Variants in PSEN1 observed in about 807,000 individuals in gnomAD.
The protein encoded by PSEN1 is presenilin-1.
PSEN1 carries 15 observed loss-of-function variants against 53.5 expected under a neutral mutation model. The observed-to-expected ratio is 0.28, with a 90% CI of 0.19 to 0.43. The LOEUF (loss-of-function observed/expected upper bound fraction) is 0.43, where lower values mean the gene tolerates loss of function less well. Ranked by LOEUF, PSEN1 falls within the 20% of genes least tolerant of loss-of-function variation. PSEN1 has a pLI of 1.00. For missense variants in PSEN1, 387 were observed against 571.2 expected, an observed-to-expected ratio of 0.68 and a Z score of 3.29; for synonymous variants, 208 against 209.8, an observed-to-expected ratio of 0.99 and a Z score of 0.08.
intron 5 of PSEN1, among the ~76,000 whole-genome samples, chr14:73,175,604 G>A (rs1255446205): frequency 1.3e-5 from 2 of 152,068 alleles, no homozygotes; most frequent in Admixed American, 1.3e-4. Flanking sequence ...ACTTTGGTGT[G>A]AACATTTTTT....
chr14:73,201,075 T>TTTTGTTTG (rs78560838), intron 8 of PSEN1, among the ~76,000 whole-genome samples: 2,114 of 150,946 alleles, frequency 0.014, 53 homozygotes, highest in African/African-American at 0.049. Context: ...GAGAATATCT[T>TTTTGTTTG]TTTGTTTGTT....
At chr14:73,205,597 T>C (rs1468662392) in intron 8 of PSEN1, among the ~76,000 whole-genome samples, 1 of 152,200 alleles carries the variant, frequency 6.6e-6, no homozygotes, top group Middle Eastern at 3.2e-3. Flanking sequence ...TTTTGTGTTA[T>C]TGTTGGTGTA....
chr14:73,205,904 C>T (rs529920130), intron 8 of PSEN1, among the ~76,000 whole-genome samples: 2 of 152,274 alleles, frequency 1.3e-5, no homozygotes, highest in South Asian at 2.1e-4. Flanking sequence ...TTGCTTTTAA[C>T]GTTTTTTCTC....
chr14:73,191,964 T>G (rs1053043529), intron 6 of PSEN1, among the ~76,000 whole-genome samples: 1 of 152,234 alleles, frequency 6.6e-6, no homozygotes, highest in East Asian at 1.9e-4. Context: ...TAAACTAATA[T>G]TTCCCAAAGT....
rs942468484 is a variant in PSEN1 at position 73,222,671 on chromosome 14, ATC to A, written c.*3386_*3387del. The stretch of plus-strand genomic sequence containing the variant: ...GATAAATTCTCAGAATGTAGTTATA[ATC>A]TCTTGTTTTCTGGTATATGCCATCT... On this transcript the variant is annotated 3_prime_UTR_variant, in exon 12 of 12. Coordinates refer to ENST00000324501, the MANE Select transcript of PSEN1 (RefSeq NM_000021.4). The A allele has an allele frequency of 6.6e-6, 1 of 152,230 alleles. No homozygotes were observed. Among genetic ancestry groups the A allele is most frequent in the African/African-American group, 2.4e-5 (1 of 41,462 alleles). The allele number at this position is 152,230 out of a possible 1,614,324, so 9.4% of individuals were successfully genotyped here.
intron 3 of PSEN1, among the ~76,000 whole-genome samples, chr14:73,158,876 C>T (rs1440150739): frequency 1.3e-5 from 2 of 152,212 alleles, no homozygotes; most frequent in East Asian, 3.9e-4. Context: ...GTACTTGATA[C>T]TGTCAGTCTT....
chr14:73,169,910 T>C (rs1897836686), intron 3 of PSEN1, among the ~76,000 whole-genome samples: 1 of 152,178 alleles, frequency 6.6e-6, no homozygotes, highest in Non-Finnish European at 1.5e-5. Context: ...CCTCCCAAAG[T>C]GCTGGGATTT....
chr14:73,215,444 G>A (rs1172711823), intron 10 of PSEN1, among the ~76,000 whole-genome samples: 1 of 151,786 alleles, frequency 6.6e-6, no homozygotes, highest in Non-Finnish European at 1.5e-5. Context: ...TTAGCCGGGC[G>A]TGGTGGCGCA....
chr14:73,150,408 T>A (rs975164811), intron 3 of PSEN1, among the ~76,000 whole-genome samples: 3 of 152,182 alleles, frequency 2.0e-5, no homozygotes, highest in African/African-American at 7.2e-5. Flanking sequence ...AATTGAGTAT[T>A]AGGCTTACTA....
intron 1 of PSEN1, among the ~76,000 whole-genome samples, chr14:73,143,537 T>C (rs1027090127): frequency 1.3e-5 from 2 of 152,146 alleles, no homozygotes; most frequent in African/African-American, 2.4e-5. Context: ...AATGGAAGAA[T>C]AGATGTGAAA....
chr14:73,202,826 A>G (rs555555713), intron 8 of PSEN1, among the ~76,000 whole-genome samples: 12 of 152,168 alleles, frequency 7.9e-5, no homozygotes, highest in Non-Finnish European at 1.0e-4. Context: ...AGCAGCACAT[A>G]ATAGTAAAAT....
intron 1 of PSEN1, among the ~76,000 whole-genome samples, chr14:73,142,129 G>A (rs1346596736): frequency 6.6e-6 from 1 of 152,032 alleles, no homozygotes; most frequent in Admixed American, 6.6e-5. Context: ...TTATAGGTTG[G>A]AATTTAGAGT....
chr14:73,180,485 G>A (rs1288171768), intron 5 of PSEN1, among the ~76,000 whole-genome samples: 1 of 152,194 alleles, frequency 6.6e-6, no homozygotes, highest in Non-Finnish European at 1.5e-5. Flanking sequence ...GCCAGAGCCT[G>A]TTTGGAAATA....
intron 8 of PSEN1, among the ~76,000 whole-genome samples, chr14:73,205,304 A>G (rs1594749637): frequency 6.6e-6 from 1 of 151,544 alleles, no homozygotes; most frequent in African/African-American, 2.4e-5. Context: ...GTGAAACCCC[A>G]CCTCTACTAA....
chr14:73,197,237 T>C (rs1180702639), intron 7 of PSEN1, among the ~76,000 whole-genome samples: 1 of 152,182 alleles, frequency 6.6e-6, no homozygotes, highest in East Asian at 1.9e-4. Flanking sequence ...CCGGCCTATA[T>C]GCTGAATTTT....
At chr14:73,147,664 CAGTT>C (rs1259815029) in intron 1 of PSEN1, 127 bp from the exon 2 acceptor site, 8 of 329,078 alleles carry the variant, frequency 2.4e-5, no homozygotes, top group African/African-American at 6.4e-5. Flanking sequence ...GTAAATTTGT[CAGTT>C]AGTTGAAAGT....
At chr14:73,172,593 C>T (rs140346058) in intron 4 of PSEN1, among the ~76,000 whole-genome samples, 104 of 152,316 alleles carry the variant, frequency 6.8e-4, no homozygotes, top group Middle Eastern at 6.8e-3. Context: ...GCTGCTTTCA[C>T]ACTACAGTAG....
intron 4 of PSEN1, among the ~76,000 whole-genome samples, chr14:73,172,214 T>C (rs942557405): frequency 4.6e-5 from 7 of 152,228 alleles, no homozygotes; most frequent in Admixed American, 1.3e-4. Flanking sequence ...TCAAATGTCA[T>C]CTAGTTCCAT....
chr14:73,185,280 G>A (rs1595022795), intron 5 of PSEN1, among the ~76,000 whole-genome samples: 1 of 152,314 alleles, frequency 6.6e-6, no homozygotes, highest in South Asian at 2.1e-4. Flanking sequence ...GTTGTAGCGA[G>A]CCGAGATCAC....
Sources: allele counts gnomAD v4.1 joint callset (sites outside exome capture counted in the v4.1 genomes callset), GRCh38; gene constraint gnomAD v4.1.1; transcripts MANE v1.5; gene names NCBI Gene and HGNC (gene_info 2026-07-23, HGNC 2026-07-21).